CLDN14: variants seen among roughly 807,000 people sequenced by gnomAD.
CLDN14 encodes the protein claudin 14.
Under a neutral mutation model 2.1 loss-of-function variants are expected in CLDN14, and 2 were observed. The ratio of observed to expected loss-of-function variants is 0.96; its 90% CI spans 0.39 to 3.01. CLDN14 has a LOEUF of 3.01. Ranked by LOEUF, CLDN14 falls within the 30% of genes most tolerant of loss-of-function variation. The pLI is 0.09. For missense variants in CLDN14, 298 were observed against 328.0 expected, an observed-to-expected ratio of 0.91 and a Z score of 0.71; for synonymous variants, 136 against 154.4, an observed-to-expected ratio of 0.88 and a Z score of 0.88.
intron 2 of CLDN14, among the ~76,000 whole-genome samples, chr21:36,506,484 C>G (rs975733816): frequency 1.3e-5 from 2 of 151,738 alleles, no homozygotes; most frequent in African/African-American, 4.8e-5. Flanking sequence ...GTAATCCCAG[C>G]TATTTGGGAG....
At chr21:36,483,078 T>C (rs906874071), upstream of CLDN14, among the ~76,000 whole-genome samples, 5 of 152,154 alleles carry the variant, frequency 3.3e-5, no homozygotes, top group African/African-American at 1.2e-4. Flanking sequence ...GGAGGCAGGG[T>C]TTGAACCGAG....
intron 1 of CLDN14, among the ~76,000 whole-genome samples, chr21:36,553,376 GCCCACCT>G (rs1490531871): frequency 6.6e-6 from 1 of 152,168 alleles, no homozygotes; most frequent in Non-Finnish European, 1.5e-5. Flanking sequence ...AGGCAGTGAT[GCCCACCT>G]GAGGAACAGG....
At chr21:36,515,942 A>G (rs971470250) in intron 1 of CLDN14, among the ~76,000 whole-genome samples, 1 of 151,720 alleles carries the variant, frequency 6.6e-6, no homozygotes, top group Admixed American at 6.6e-5. Flanking sequence ...GTGCACCACC[A>G]TGCCAGGCTA....
At chr21:36,540,067 GGAGT>G (rs1258071649) in intron 1 of CLDN14, among the ~76,000 whole-genome samples, 8 of 150,904 alleles carry the variant, frequency 5.3e-5, no homozygotes, top group African/African-American at 1.7e-4. Flanking sequence ...GTATGTGTGT[GGAGT>G]GAGTGTGTGT....
chr21:36,473,473 A>G (rs566090969), intron 1 of CLDN14, among the ~76,000 whole-genome samples: 1 of 152,346 alleles, frequency 6.6e-6, no homozygotes, highest in South Asian at 2.1e-4. Flanking sequence ...ATATAAATGC[A>G]TATTCGATTG....
chr21:36,539,514 G>A (rs1337258498), intron 1 of CLDN14, among the ~76,000 whole-genome samples: 1 of 149,370 alleles, frequency 6.7e-6, no homozygotes, highest in African/African-American at 2.5e-5. Context: ...TGTGGAGTGA[G>A]TGTATGCAGA....
At chr21:36,565,203 A>G (rs978479760) in intron 1 of CLDN14, among the ~76,000 whole-genome samples, 1 of 152,178 alleles carries the variant, frequency 6.6e-6, no homozygotes, top group Non-Finnish European at 1.5e-5. Flanking sequence ...CAGGTTGAGA[A>G]CAGAGGTTGG....
chr21:36,461,659 G>A lies in CLDN14; in HGVS notation c.37C>T (p.Leu13Phe). The change falls in exon 2 of 2, where the codon CTC becomes TTC. Residue 13 changes from leucine to phenylalanine, a missense_variant. Coordinates refer to ENST00000399135, the MANE Select transcript of CLDN14 (RefSeq NM_001146079.2). ...GTGCCCACCATGCCCAGGAAGCTGA[G>A]CAGGAAGCCCAGAAGCTGCACGGCC... ...STAVQLLGFL[L>F]SFLGMVGTLI... is the part of the protein sequence containing the mutation. 1 of 1,564,608 alleles carries A rather than the reference G, an allele frequency of 6.4e-7. No individual in the cohort carries two copies. Among genetic ancestry groups the A allele is most frequent in the Non-Finnish European group, 8.7e-7 (1 of 1,155,166 alleles).
rs1046117667 is a variant in CLDN14, at chr21:36,498,226, C to A, written c.-82+12137G>T. On this transcript the variant is annotated intron_variant, in intron 2 of 2. Transcript: ENST00000342108. This position sits in a 1 kb window ranked among gnomAD's most constrained non-coding sequence, Gnocchi z 4.9. ...ATATTGGCCAGGCTGGTGTCGAACTCCTGACCTCAGGCGGTCCACCTGCCT... is the reference window on the plus strand; with the variant it reads ...ATATTGGCCAGGCTGGTGTCGAACTACTGACCTCAGGCGGTCCACCTGCCT... Among the ~76,000 whole-genome samples the A allele has an allele frequency of 3.3e-5, 5 of 152,132 alleles. No individual in the cohort carries two copies. The highest frequency in any genetic ancestry group is 6.6e-5 in the Admixed American group (1 of 15,256).
At chr21:36,472,576 C>A (rs547344603) in intron 1 of CLDN14, among the ~76,000 whole-genome samples, 1 of 152,302 alleles carries the variant, frequency 6.6e-6, no homozygotes, top group South Asian at 2.1e-4. Flanking sequence ...GTGGGCCACA[C>A]CCAGTCAGGT....
At chr21:36,475,374 G>A (rs2086764354) in intron 1 of CLDN14, among the ~76,000 whole-genome samples, 1 of 152,144 alleles carries the variant, frequency 6.6e-6, no homozygotes, top group African/African-American at 2.4e-5. Context: ...CTGGATCAGT[G>A]GCTCTCCACC....
chr21:36,485,895 A>T (rs1273256880), intron 2 of CLDN14: 1 of 694,522 alleles, frequency 1.4e-6, no homozygotes. Context: ...TTAGGCTGTA[A>T]TGGTTACAGA....
At chr21:36,511,018 A>T (rs1205696500) in intron 1 of CLDN14, among the ~76,000 whole-genome samples, 1 of 152,212 alleles carries the variant, frequency 6.6e-6, no homozygotes, top group Non-Finnish European at 1.5e-5. Flanking sequence ...CAATAAATTA[A>T]TGTGAGTTGG....
chr21:36,552,281 T>C (rs2087568353), intron 1 of CLDN14, among the ~76,000 whole-genome samples: 1 of 152,152 alleles, frequency 6.6e-6, no homozygotes, highest in Admixed American at 6.5e-5. Context: ...GGAAATAAAA[T>C]GAGAATGGTT....
At chr21:36,490,385 A>ATTTTTTTTTT (rs71198817) in intron 2 of CLDN14, among the ~76,000 whole-genome samples, 7 of 102,052 alleles carry the variant, frequency 6.9e-5, no homozygotes, top group East Asian at 3.2e-4. Context: ...TTTTTTTTTA[A>ATTTTTTTTTT]TTTTTTTTTT....
intron 1 of CLDN14, among the ~76,000 whole-genome samples, chr21:36,474,354 C>T (rs1161086943): frequency 6.6e-6 from 1 of 152,156 alleles, no homozygotes; most frequent in African/African-American, 2.4e-5. Flanking sequence ...CTGCAAAGGA[C>T]ATTTATCACT....
chr21:36,522,613 C>T (rs2087279945), intron 1 of CLDN14, among the ~76,000 whole-genome samples: 3 of 152,342 alleles, frequency 2.0e-5, no homozygotes, highest in South Asian at 4.1e-4. Context: ...GATGCAGATG[C>T]GCGGGGGAGG....
intron 1 of CLDN14, among the ~76,000 whole-genome samples, chr21:36,554,723 G>A (rs1322996827): frequency 6.6e-6 from 1 of 152,028 alleles, no homozygotes; most frequent in Non-Finnish European, 1.5e-5. Context: ...ATGTCTTACC[G>A]CCCCACCACC....
At chr21:36,481,808 C>T (rs991666412), upstream of CLDN14, among the ~76,000 whole-genome samples, 27 of 152,108 alleles carry the variant, frequency 1.8e-4, no homozygotes, top group South Asian at 6.2e-4. Context: ...CATGATGTGA[C>T]GAAATCTAAA....
Sources: allele counts gnomAD v4.1 joint callset (sites outside exome capture counted in the v4.1 genomes callset), GRCh38; gene constraint gnomAD v4.1.1; non-coding constraint Gnocchi (gnomAD v3.1); transcripts MANE v1.5; gene names NCBI Gene and HGNC (gene_info 2026-07-23, HGNC 2026-07-21).